Variants in EPN2 observed in about 807,000 individuals in gnomAD.
The protein encoded by EPN2 is epsin-2.
EPN2 carries 34 observed loss-of-function variants against 61.7 expected under a neutral mutation model. That is an observed-to-expected ratio of 0.55 (90% CI 0.42 to 0.73). EPN2 has a LOEUF of 0.73. Among genes scored for constraint, EPN2 ranks in the 30% least tolerant of loss-of-function variants. The pLI, the probability that EPN2 is intolerant of heterozygous loss-of-function variation, is 0.00. For missense variants in EPN2, 714 were observed against 839.2 expected, an observed-to-expected ratio of 0.85 and a Z score of 1.84; for synonymous variants, 349 against 353.6, an observed-to-expected ratio of 0.99 and a Z score of 0.15.
At chr17:19,291,984 A>G (rs2045470067) in intron 4 of EPN2, among the ~76,000 whole-genome samples, 1 of 152,182 alleles carries the variant, frequency 6.6e-6, no homozygotes. Flanking sequence ...TACACCAGAC[A>G]TGTACACACA....
intron 4 of EPN2, among the ~76,000 whole-genome samples, chr17:19,288,175 G>C (rs1407451130): frequency 6.6e-6 from 1 of 152,138 alleles, no homozygotes; most frequent in Non-Finnish European, 1.5e-5. Context: ...CTCCTGTTCC[G>C]GCGGAAGCAT....
chr17:19,263,922 T>G (rs1597979519), intron 1 of EPN2, among the ~76,000 whole-genome samples: 1 of 144,408 alleles, frequency 6.9e-6, no homozygotes, highest in African/African-American at 2.5e-5. Context: ...AGAAGGGGGG[T>G]TAGGGGCATG....
chr17:19,295,772 C>T (rs189962279), intron 4 of EPN2, among the ~76,000 whole-genome samples: 1 of 152,202 alleles, frequency 6.6e-6, no homozygotes, highest in East Asian at 1.9e-4. Flanking sequence ...AATCCTGGGC[C>T]ACACCTCTCC....
chr17:19,241,147 A>G (rs540441852), intron 1 of EPN2, among the ~76,000 whole-genome samples: 3 of 152,286 alleles, frequency 2.0e-5, no homozygotes, highest in Admixed American at 1.3e-4. Flanking sequence ...TCTCATGGGG[A>G]TGAAGAGACA....
intron 1 of EPN2, among the ~76,000 whole-genome samples, chr17:19,265,292 C>T (rs1026103927): frequency 1.3e-5 from 2 of 151,336 alleles, no homozygotes; most frequent in Non-Finnish European, 2.9e-5. Context: ...GTAAGAGAAT[C>T]ACTTGTGCCT....
intron 1 of EPN2, among the ~76,000 whole-genome samples, chr17:19,274,697 G>A (rs1164998277): frequency 2.0e-5 from 3 of 152,168 alleles, no homozygotes; most frequent in South Asian, 2.1e-4. Context: ...AGAGATGTGT[G>A]CCTTCACCAC....
intron 4 of EPN2, among the ~76,000 whole-genome samples, chr17:19,305,248 G>A (rs769969563): frequency 6.6e-6 from 1 of 151,768 alleles, no homozygotes; most frequent in Non-Finnish European, 1.5e-5. Context: ...CAGCCTCCTG[G>A]GTAGCTGGGA....
intron 7 of EPN2, among the ~76,000 whole-genome samples, chr17:19,322,966 A>T (rs1161036758): frequency 1.3e-5 from 2 of 152,172 alleles, no homozygotes; most frequent in Non-Finnish European, 2.9e-5. Context: ...GGAATGAGGG[A>T]AGAGACTAGT....
At chr17:19,253,716 T>C (rs563700421) in intron 1 of EPN2, among the ~76,000 whole-genome samples, 7 of 152,222 alleles carry the variant, frequency 4.6e-5, no homozygotes, top group Non-Finnish European at 7.3e-5. Context: ...GCCATTTTAA[T>C]TTAACTTGTC....
At chr17:19,319,435 C>T (rs1053379053) in intron 7 of EPN2, among the ~76,000 whole-genome samples, 3 of 151,514 alleles carry the variant, frequency 2.0e-5, no homozygotes, top group East Asian at 2.0e-4. Context: ...AGCAATTCTC[C>T]TGACTCAGCC....
At chr17:19,331,735 G>T in intron 9 of EPN2, 118 bp from the exon 10 acceptor site, 1 of 796,872 alleles carries the variant, frequency 1.3e-6, no homozygotes. Flanking sequence ...CTGGCTGTGT[G>T]TCGTCACGTG....
chr17:19,276,892 T>A (rs954044586), intron 1 of EPN2, among the ~76,000 whole-genome samples: 6 of 151,254 alleles, frequency 4.0e-5, no homozygotes, highest in Non-Finnish European at 5.9e-5. Context: ...GGTGTAGAGG[T>A]TCATAAGAAA....
chr17:19,300,070 G>A (rs764169706), intron 4 of EPN2, among the ~76,000 whole-genome samples: 61 of 152,214 alleles, frequency 4.0e-4, no homozygotes, highest in Non-Finnish European at 8.1e-4. Flanking sequence ...GGTGATCAGG[G>A]CTGCAGCCTA....
At chr17:19,260,188 G>A (rs930069080) in intron 1 of EPN2, among the ~76,000 whole-genome samples, 14 of 152,318 alleles carry the variant, frequency 9.2e-5, no homozygotes, top group African/African-American at 3.1e-4. Context: ...CAGGAGCTCT[G>A]GTTCTTCCCT....
At chr17:19,301,028 C>T (rs925220835) in intron 4 of EPN2, among the ~76,000 whole-genome samples, 9 of 152,120 alleles carry the variant, frequency 5.9e-5, no homozygotes, top group African/African-American at 2.2e-4. Context: ...TCGAGGACCA[C>T]GAGCAGCATA....
chr17:19,242,685 A>G (rs561206051), intron 1 of EPN2, among the ~76,000 whole-genome samples: 1 of 152,314 alleles, frequency 6.6e-6, no homozygotes, highest in African/African-American at 2.4e-5. Flanking sequence ...AAAGCAATAC[A>G]AGGAATTGGA....
intron 1 of EPN2, among the ~76,000 whole-genome samples, chr17:19,275,294 G>A (rs1328918218): frequency 6.6e-6 from 1 of 152,234 alleles, no homozygotes; most frequent in Non-Finnish European, 1.5e-5. Flanking sequence ...CAGGTGCTTT[G>A]TGCACAGGGT....
chr17:19,329,417 G>T, intron 8 of EPN2, 144 bp from the exon 9 acceptor site: 1 of 611,458 alleles, frequency 1.6e-6, no homozygotes, highest in South Asian at 2.4e-5. Context: ...TTGCCTCTTT[G>T]GCTCTCAGAA....
intron 7 of EPN2, among the ~76,000 whole-genome samples, chr17:19,321,128 G>A (rs921986980): frequency 1.3e-5 from 2 of 152,176 alleles, no homozygotes; most frequent in African/African-American, 4.8e-5. Context: ...TGGCATAGAG[G>A]CTGCAGAGTG....
Sources: allele counts gnomAD v4.1 joint callset (sites outside exome capture counted in the v4.1 genomes callset), GRCh38; gene constraint gnomAD v4.1.1; transcripts MANE v1.5; gene names NCBI Gene and HGNC (gene_info 2026-07-23, HGNC 2026-07-21).